Variants in ACIN1 observed in about 807,000 individuals in gnomAD.
The protein encoded by ACIN1 is apoptotic chromatin condensation inducer in the nucleus.
In ACIN1, 16 loss-of-function variants were observed where a neutral mutation model predicts 146.6. The observed-to-expected ratio is 0.11, with a 90% CI of 0.07 to 0.17. The LOEUF is 0.17. Among genes scored for constraint, ACIN1 ranks in the 10% least tolerant of loss-of-function variants. The pLI, the probability that ACIN1 is intolerant of heterozygous loss-of-function variation, is 1.00. For synonymous variants in ACIN1, 569 were observed against 582.7 expected (o/e 0.98, Z 0.34); for missense variants, 1,357 against 1,609.3 (o/e 0.84, Z 2.68).
intron 8 of ACIN1, among the ~76,000 whole-genome samples, chr14:23,073,998 C>T (rs1394158261): frequency 2.6e-5 from 4 of 151,574 alleles, no homozygotes; most frequent in African/African-American, 9.7e-5. Flanking sequence ...TCCATTACAC[C>T]CGGCTAATTT....
chr14:23,074,336 C>G (rs956824518), intron 8 of ACIN1, among the ~76,000 whole-genome samples: 1 of 151,794 alleles, frequency 6.6e-6, no homozygotes, highest in Non-Finnish European at 1.5e-5. Flanking sequence ...GAGGCTGAGA[C>G]AGGAGGACTG....
chr14:23,071,101 T>C, intron 8 of ACIN1: 1 of 1,550,080 alleles, frequency 6.5e-7, no homozygotes, highest in Non-Finnish European at 8.7e-7. Context: ...GGAAAAGGCA[T>C]ACATGGAAAT....
chr14:23,076,918 A>C (rs1020671621), intron 8 of ACIN1, among the ~76,000 whole-genome samples: 2 of 152,232 alleles, frequency 1.3e-5, no homozygotes, highest in African/African-American at 4.8e-5. Context: ...TCCCAGAAGA[A>C]AAACCCTTTT....
In ACIN1 at chr14:23,058,847, CAG is replaced by C. The variant is rs1165339916; in HGVS notation, c.*299_*300del. ...GTGGTAAGCAGGATGGAGGAAAAAT[CAG>C]AGGACTGGGGCACCTGGCTGTTCCC... On this transcript the variant is annotated 3_prime_UTR_variant, in exon 19 of 19. Coordinates refer to ENST00000605057, the MANE Select transcript of ACIN1 (RefSeq NM_001386863.1). 2.3e-6 allele frequency: 1 copy of C among 440,700 alleles called. No homozygotes were observed. The highest frequency in any genetic ancestry group is 4.1e-6 in the Non-Finnish European group (1 of 244,016). The allele number at this position is 440,700 out of a possible 1,614,324, so 27.3% of individuals were successfully genotyped here. A position where few individuals can be genotyped will look rare whatever the true frequency, so the allele number is the denominator to read the frequency against.
intron 3 of ACIN1, 59 bp from the exon 4 acceptor site, chr14:23,090,160 T>C: frequency 6.3e-7 from 1 of 1,576,204 alleles, no homozygotes; most frequent in Non-Finnish European, 8.6e-7. Context: ...CATGTAGGAA[T>C]ATGTAGAGGA....
chr14:23,066,147 C>T (rs540086841), intron 9 of ACIN1, 139 bp from the exon 10 acceptor site: 2 of 622,028 alleles, frequency 3.2e-6, no homozygotes, highest in South Asian at 4.2e-5. Flanking sequence ...GAGAGAGACA[C>T]AGAGACAGAC....
In ACIN1 at chr14:23,062,402, C is replaced by T; in HGVS notation, c.2991+14G>A. ...TATATGCCATGACCTATAGAATCAG[C>T]TTCTTCCCCTCACCGTTACAAAGCA... is the stretch of plus-strand genomic sequence containing the variant. On this transcript the variant is annotated intron_variant, in intron 15 of 18. Transcript: ENST00000605057. 4 of 1,613,646 alleles carry T rather than the reference C, an allele frequency of 2.5e-6. No homozygotes were observed. Among genetic ancestry groups the T allele is most frequent in the Non-Finnish European group, 3.4e-6 (4 of 1,179,534 alleles).
intron 18 of ACIN1, among the ~76,000 whole-genome samples, chr14:23,060,427 TAAGTTA>T (rs2047239518): frequency 1.3e-5 from 2 of 152,000 alleles, no homozygotes; most frequent in South Asian, 4.2e-4. Flanking sequence ...ACTAAGAAAC[TAAGTTA>T]AAGATGCAAA....
chr14:23,069,649 C>T (rs370727422), intron 8 of ACIN1, 32 bp from the exon 9 acceptor site: 52 of 527,364 alleles, frequency 9.9e-5, no homozygotes, highest in Non-Finnish European at 1.2e-4. Context: ...GGTGGGGGGG[C>T]GGGCAGAAAA....
At position 23,067,936 on chromosome 14, in the gene ACIN1, T is replaced by C. The variant is rs2047510846; in HGVS notation, c.2265+1540A>G. ...GGTCAGAATACTTCTCTTCGGAGAG[T>C]TGTGGCTGGCATCTCCTCAGGGACT... On this transcript the variant is annotated intron_variant, in intron 9 of 18. Transcript: ENST00000605057. This position sits in a 1 kb window ranked among gnomAD's most constrained non-coding sequence, Gnocchi z 4.6. 1 of 985,402 alleles carries C rather than the reference T, an allele frequency of 1.0e-6. No individual in the cohort carries two copies. The highest frequency in any genetic ancestry group is 1.2e-6 in the Non-Finnish European group (1 of 829,832). 61.0% of individuals were successfully genotyped at this position (985,402 alleles called of 1,614,324 possible).
Position 23,062,997 on chromosome 14 carries a change from C to T in ACIN1, c.2815G>A (p.Val939Ile). ...GGGGAGGGCACCTGGGCAGTTCGGA[C>T]TGGGTCATCAATGGTAATGGAAACT... ...SGVSITIDDP[V>I]RTAQVPSPPR... The change falls in exon 14 of 19, where the codon GTC becomes ATC. Residue 939 changes from valine (V) to isoleucine (I), a missense_variant. Coordinates refer to ENST00000605057, the MANE Select transcript of ACIN1 (RefSeq NM_001386863.1). The T allele has an allele frequency of 1.9e-6, 3 of 1,613,986 alleles. No homozygotes were observed. The South Asian group carries it at 3.3e-5, about 18-fold the overall frequency.
intron 10 of ACIN1, among the ~76,000 whole-genome samples, chr14:23,065,080 G>C (rs1360881339): frequency 1.3e-5 from 2 of 152,140 alleles, no homozygotes; most frequent in Admixed American, 1.3e-4. Flanking sequence ...AAATGCAGAA[G>C]AAACAAGAAC....
chr14:23,060,516 T>A (rs1370332288), intron 18 of ACIN1, among the ~76,000 whole-genome samples: 2 of 152,134 alleles, frequency 1.3e-5, no homozygotes, highest in African/African-American at 4.8e-5. Flanking sequence ...TTCTTTTTTT[T>A]TTTTTAATTG....
intron 8 of ACIN1, among the ~76,000 whole-genome samples, chr14:23,070,486 C>G (rs750836606): frequency 6.6e-6 from 1 of 152,038 alleles, no homozygotes; most frequent in Non-Finnish European, 1.5e-5. Context: ...CAGCTTCCCC[C>G]AAGAACACCA....
intron 4 of ACIN1, among the ~76,000 whole-genome samples, chr14:23,089,178 T>A (rs1374242399): frequency 6.6e-6 from 1 of 152,100 alleles, no homozygotes; most frequent in Non-Finnish European, 1.5e-5. Flanking sequence ...GTCACTGGGA[T>A]TACAGGTGCC....
intron 15 of ACIN1, 64 bp downstream of exon 15, chr14:23,062,352 T>C: frequency 1.2e-6 from 2 of 1,604,346 alleles, no homozygotes; most frequent in South Asian, 2.2e-5. Flanking sequence ...CCCTTAAACC[T>C]GCCCACACTG....
chr14:23,080,125 T>C lies in ACIN1; in HGVS notation c.1210A>G (p.Arg404Gly). Residue 404 changes from arginine (R) to glycine (G), a missense_variant, in exon 6 of 19, where the codon AGG becomes GGG. Physicochemically the swap from Arg to Gly is moderately radical, Grantham distance 125 (BLOSUM62 -2). Coordinates refer to ENST00000605057, the MANE Select transcript of ACIN1 (RefSeq NM_001386863.1). Reference protein sequence around the residue: ...LSPPNTDADTRELLVSQHTVQ... With the variant: ...LSPPNTDADTGELLVSQHTVQ... ...GTATGCTGAGATACTAATAGCTCCCTGGTGTCAGCATCTGTATTAGGAGGA... is the reference window on the plus strand; with the variant it reads ...GTATGCTGAGATACTAATAGCTCCCCGGTGTCAGCATCTGTATTAGGAGGA... 3.7e-6 allele frequency: 6 copies of C among 1,614,138 alleles called. No individual in the cohort carries two copies. Among genetic ancestry groups the C allele is most frequent in the African/African-American group, 1.3e-5 (1 of 75,030 alleles).
At chr14:23,069,084 C>A (rs747105117) in intron 9 of ACIN1, 1 of 992,132 alleles carries the variant, frequency 1.0e-6, no homozygotes, top group Non-Finnish European at 1.2e-6. Context: ...CCACCAATGT[C>A]CACTAGATGG....
Position 23,094,977 on chromosome 14 carries a change from C to G in ACIN1, c.136G>C (p.Gly46Arg). 4 of 1,599,030 alleles carry G rather than the reference C, an allele frequency of 2.5e-6. No individual in the cohort carries two copies. Among genetic ancestry groups the G allele is most frequent in the Non-Finnish European group, 3.4e-6 (4 of 1,177,492 alleles). Residue 46 changes from glycine (G) to arginine (R), a missense_variant and splice_region_variant, in exon 1 of 19, where the codon GGG (glycine) becomes CGG (arginine). Physicochemically the swap from Gly to Arg is moderately radical, Grantham distance 125. Transcript: ENST00000605057. ...QKSALVKRLKGALMLENLQKH... is the reference protein window; with the variant it reads ...QKSALVKRLKRALMLENLQKH... ...CCCCAGCAACGCCGACTCCTCACCCCTTTGAGCCGCTTGACCAGGGCACTC... is the reference window on the plus strand; with the variant it reads ...CCCCAGCAACGCCGACTCCTCACCCGTTTGAGCCGCTTGACCAGGGCACTC...
Sources: allele counts gnomAD v4.1 joint callset (sites outside exome capture counted in the v4.1 genomes callset), GRCh38; gene constraint gnomAD v4.1.1; non-coding constraint Gnocchi (gnomAD v3.1); transcripts MANE v1.5; gene names NCBI Gene and HGNC (gene_info 2026-07-23, HGNC 2026-07-21).